The following ZFHX4 variants were observed in gnomAD, a reference collection of about 807,000 sequenced individuals.
ZFHX4 encodes the protein zinc finger homeobox protein 4.
A neutral mutation model predicts 267.6 loss-of-function variants in ZFHX4; 56 were observed. That is an observed-to-expected ratio of 0.21 (90% confidence interval 0.17 to 0.26). The LOEUF is 0.26. ZFHX4 is among the 10% of genes least tolerant of loss of function. The pLI, the probability that ZFHX4 is intolerant of heterozygous loss-of-function variation, is 1.00. For missense variants in ZFHX4, 4,332 were observed against 4,420.0 expected (o/e 0.98, Z 0.56); for synonymous variants, 1,778 against 1,665.6 (o/e 1.07, Z -1.64).
At chr8:76,803,183 C>G (rs937359845) in intron 4 of ZFHX4, among the ~76,000 whole-genome samples, 2 of 151,894 alleles carry the variant, frequency 1.3e-5, no homozygotes, top group Non-Finnish European at 2.9e-5. Context: ...ATTCCTCTGT[C>G]TAGTACAGAA....
chr8:76,733,728 TAA>T (rs1228274713), intron 3 of ZFHX4, among the ~76,000 whole-genome samples: 1 of 152,154 alleles, frequency 6.6e-6, no homozygotes, highest in Non-Finnish European at 1.5e-5. Flanking sequence ...ATGGCCCTGA[TAA>T]AAGTCAGTCT....
Position 76,705,774 on chromosome 8 carries a change from A to G in ZFHX4, c.1686A>G (p.Ala562=). The G allele has an allele frequency of 6.2e-7, 1 of 1,614,008 alleles. No individual in the cohort carries two copies. The highest frequency in any genetic ancestry group is 8.5e-7 in the Non-Finnish European group (1 of 1,179,906). The part of the protein sequence containing the change: ...YGISGKDFAD[A]SASKDSATAA... ...TCAGTGGCAAGGACTTTGCAGACGCAAGTGCCAGTAAAGACAGTGCCACAG... is the reference window on the plus strand; with the variant it reads ...TCAGTGGCAAGGACTTTGCAGACGCGAGTGCCAGTAAAGACAGTGCCACAG... Residue 562 remains alanine (A), a synonymous_variant, in exon 2 of 11, where the codon GCA becomes GCG. Coordinates refer to ENST00000651372, the MANE Select transcript of ZFHX4 (RefSeq NM_024721.5).
At chr8:76,759,299 A>G (rs1329289644) in intron 3 of ZFHX4, among the ~76,000 whole-genome samples, 2 of 152,138 alleles carry the variant, frequency 1.3e-5, no homozygotes, top group Non-Finnish European at 2.9e-5. Flanking sequence ...CCCGTTTGCT[A>G]TTTTACTTAA....
intron 8 of ZFHX4, 96 bp downstream of exon 8, chr8:76,849,808 T>C (rs1185752990): frequency 7.8e-7 from 1 of 1,285,872 alleles, no homozygotes; most frequent in Non-Finnish European, 1.1e-6. Context: ...ATGTATTTCT[T>C]CAGAGCTAAT....
At chr8:76,776,588 C>T (rs1012909558) in intron 3 of ZFHX4, among the ~76,000 whole-genome samples, 1 of 152,136 alleles carries the variant, frequency 6.6e-6, no homozygotes, top group Non-Finnish European at 1.5e-5. Context: ...ACTCAAGATT[C>T]TCATCTTTTG....
intron 4 of ZFHX4, among the ~76,000 whole-genome samples, chr8:76,779,250 A>G (rs1225870685): frequency 1.3e-5 from 2 of 152,226 alleles, no homozygotes; most frequent in Non-Finnish European, 2.9e-5. Context: ...TATGTATTTA[A>G]AAAGTCCGTT....
intron 4 of ZFHX4, among the ~76,000 whole-genome samples, chr8:76,830,173 G>A (rs1012965818): frequency 4.6e-5 from 7 of 152,134 alleles, no homozygotes; most frequent in Admixed American, 3.9e-4. Context: ...TGTTGTTGAT[G>A]GCGATTGGGA....
chr8:76,854,568 A>G lies in ZFHX4; in HGVS notation c.7647A>G (p.Gly2549=), dbSNP rs61729529. The G allele has an allele frequency of 9.8e-4, 1,575 of 1,613,866 alleles. 17 individuals carry two copies. The African/African-American group carries it at 0.018, about 18-fold the overall frequency. ...IFDPNNPLMT[G]QLLGSSLTQM... ...ACCCCAACAATCCGCTGATGACTGGACAACTGCTGGGCAGTTCCCTCACTC... is the reference window on the plus strand; with the variant it reads ...ACCCCAACAATCCGCTGATGACTGGGCAACTGCTGGGCAGTTCCCTCACTC... Residue 2549 remains glycine (G), a synonymous_variant, in exon 10 of 11, where the codon GGA becomes GGG. Transcript: ENST00000651372.
At chr8:76,763,596 C>G (rs1240106569) in intron 3 of ZFHX4, among the ~76,000 whole-genome samples, 1 of 152,116 alleles carries the variant, frequency 6.6e-6, no homozygotes, top group Non-Finnish European at 1.5e-5. Context: ...GCACTCCAGC[C>G]TGGGTGACAG....
intron 4 of ZFHX4, among the ~76,000 whole-genome samples, chr8:76,784,051 G>A (rs1462861855): frequency 6.6e-6 from 1 of 151,790 alleles, no homozygotes; most frequent in Non-Finnish European, 1.5e-5. Flanking sequence ...TAATATTTAT[G>A]TTATTGTCTG....
intron 4 of ZFHX4, among the ~76,000 whole-genome samples, chr8:76,791,480 A>G (rs1411873515): frequency 1.3e-5 from 2 of 152,318 alleles, no homozygotes; most frequent in East Asian, 3.9e-4. Context: ...CTGTCTTTAT[A>G]AATGATATTA....
At chr8:76,863,073 T>A in intron 10 of ZFHX4, 21 bp from the exon 11 acceptor site, 1 of 1,487,144 alleles carries the variant, frequency 6.7e-7, no homozygotes, top group Non-Finnish European at 8.9e-7. Flanking sequence ...ACAGTGGCCA[T>A]CTCTCTGTTG....
At position 76,769,901 on chromosome 8, in the gene ZFHX4, A is replaced by G. The variant is rs118024194; in HGVS notation, c.3094-8307A>G. The stretch of plus-strand genomic sequence containing the variant: ...CTACTGTTTGTTCAAAGTACTTCTT[A>G]GCAGGATACTCATTTGTGGAATGAA... On this transcript the variant is annotated intron_variant, in intron 3 of 10. Coordinates refer to ENST00000651372, the MANE Select transcript of ZFHX4 (RefSeq NM_024721.5). 6.1e-3 allele frequency among the ~76,000 whole-genome samples: 927 copies of G among 152,278 alleles called. 7 individuals carry two copies. Among genetic ancestry groups the G allele is most frequent in the Non-Finnish European group, 0.011 (751 of 68,026 alleles).
chr8:76,762,341 A>G (rs1313478894), intron 3 of ZFHX4, among the ~76,000 whole-genome samples: 1 of 152,226 alleles, frequency 6.6e-6, no homozygotes, highest in Non-Finnish European at 1.5e-5. Flanking sequence ...GAATACATGT[A>G]ATAGTACAGG....
intron 4 of ZFHX4, among the ~76,000 whole-genome samples, chr8:76,811,694 A>G (rs902254609): frequency 6.6e-6 from 1 of 152,212 alleles, no homozygotes; most frequent in Non-Finnish European, 1.5e-5. Context: ...ACCAAAACAG[A>G]TTACTCCAGA....
chr8:76,834,860 G>A (rs1474211746), intron 5 of ZFHX4, among the ~76,000 whole-genome samples: 6 of 151,786 alleles, frequency 4.0e-5, no homozygotes, highest in African/African-American at 1.4e-4. Context: ...TTATCTTCTA[G>A]GAGTTTTATA....
At chr8:76,846,468 G>A (rs1019704569) in intron 6 of ZFHX4, among the ~76,000 whole-genome samples, 9 of 151,950 alleles carry the variant, frequency 5.9e-5, no homozygotes, top group Non-Finnish European at 1.0e-4. Flanking sequence ...TGAGGGTGAC[G>A]CATAACTGTA....
At chr8:76,827,290 T>A (rs1585985033) in intron 4 of ZFHX4, among the ~76,000 whole-genome samples, 1 of 152,252 alleles carries the variant, frequency 6.6e-6, no homozygotes, top group Admixed American at 6.5e-5. Context: ...GAGAATCTAA[T>A]GCTGCCTCTA....
intron 8 of ZFHX4, 128 bp downstream of exon 8, chr8:76,849,840 GTTAT>G: frequency 9.5e-7 from 1 of 1,049,428 alleles, no homozygotes; most frequent in Non-Finnish European, 1.4e-6. Context: ...TATTGCTCGT[GTTAT>G]AGTAGTCACA....
Sources: gnomAD v4.1 joint callset for allele counts (sites outside exome capture counted in the v4.1 genomes callset) on GRCh38, gnomAD v4.1.1 for gene constraint, MANE v1.5 for transcripts, NCBI Gene and HGNC (gene_info 2026-07-23, HGNC 2026-07-21) for gene names.